STK32B: variants seen among roughly 807,000 people sequenced by gnomAD.
STK32B encodes serine/threonine kinase 32B.
A neutral mutation model predicts 52.6 loss-of-function variants in STK32B; 43 were observed. The observed-to-expected ratio is 0.82, with a 90% CI of 0.64 to 1.05. STK32B has a LOEUF of 1.05. Ranked by LOEUF, STK32B falls within the 50% of genes least tolerant of loss-of-function variation. The pLI is 0.00. For missense variants in STK32B, 621 were observed against 534.6 expected (o/e 1.16, Z -1.59); for synonymous variants, 238 against 204.3 (o/e 1.17, Z -1.41).
At chr4:5,432,187 G>A (rs1426129795) in intron 6 of STK32B, 1 of 152,170 alleles carries the variant, frequency 6.6e-6, no homozygotes, top group Non-Finnish European at 1.5e-5. Flanking sequence ...CTTGCCCAGT[G>A]ACAAACAGCC....
At chr4:5,363,251 T>G (rs1009011310) in intron 4 of STK32B, among the ~76,000 whole-genome samples, 1 of 152,260 alleles carries the variant, frequency 6.6e-6, no homozygotes, top group Admixed American at 6.5e-5. Context: ...AGTTTGAATT[T>G]TAACTTTAAA....
chr4:5,107,275 A>C (rs1309197510), intron 1 of STK32B, among the ~76,000 whole-genome samples: 1 of 152,138 alleles, frequency 6.6e-6, no homozygotes, highest in Non-Finnish European at 1.5e-5. Context: ...GTTGCAGGAA[A>C]ATAAGCTCAG....
intron 4 of STK32B, among the ~76,000 whole-genome samples, chr4:5,334,759 G>C (rs1267187012): frequency 6.6e-6 from 1 of 151,658 alleles, no homozygotes; most frequent in Non-Finnish European, 1.5e-5. Context: ...CTTTGGTTCT[G>C]TTTATATGCT....
intron 3 of STK32B, among the ~76,000 whole-genome samples, chr4:5,305,806 G>T (rs13434445): frequency 0.21 from 32,076 of 151,822 alleles, 6,459 homozygotes; most frequent in African/African-American, 0.53. Flanking sequence ...ATTGTCTACT[G>T]GTGCTCTTTC....
At chr4:5,184,798 G>A (rs1720623990) in intron 3 of STK32B, among the ~76,000 whole-genome samples, 1 of 152,118 alleles carries the variant, frequency 6.6e-6, no homozygotes, top group Non-Finnish European at 1.5e-5. Context: ...ATGTGACAGA[G>A]ACACAAAGTG....
intron 2 of STK32B, among the ~76,000 whole-genome samples, chr4:5,150,834 A>C (rs1018006741): frequency 6.6e-5 from 10 of 152,172 alleles, no homozygotes; most frequent in African/African-American, 9.7e-5. Context: ...GAACTTAACA[A>C]AACAAAAATA....
intron 4 of STK32B, among the ~76,000 whole-genome samples, chr4:5,389,907 C>G (rs1393625085): frequency 6.6e-6 from 1 of 152,114 alleles, no homozygotes; most frequent in African/African-American, 2.4e-5. Flanking sequence ...ATAGTAGGGT[C>G]GGAGAAGCAG....
At chr4:5,092,800 T>A (rs1713166427) in intron 1 of STK32B, among the ~76,000 whole-genome samples, 1 of 152,024 alleles carries the variant, frequency 6.6e-6, no homozygotes, top group African/African-American at 2.4e-5. Context: ...GCCCTCATGA[T>A]CCAATCACCT....
intron 3 of STK32B, among the ~76,000 whole-genome samples, chr4:5,209,811 T>C (rs1002946921): frequency 2.6e-5 from 4 of 152,156 alleles, no homozygotes; most frequent in African/African-American, 7.2e-5. Context: ...GAAAGTAGGT[T>C]GGATACTTTA....
the STK32B span, among the ~76,000 whole-genome samples, chr4:5,025,323 C>T: frequency 6.6e-6 from 1 of 152,168 alleles, no homozygotes; most frequent in African/African-American, 2.4e-5. Flanking sequence ...AGGAAGCACC[C>T]GTCCAGGGGG....
At chr4:5,172,910 T>G (rs527454839) in intron 3 of STK32B, among the ~76,000 whole-genome samples, 1 of 152,326 alleles carries the variant, frequency 6.6e-6, no homozygotes, top group East Asian at 1.9e-4. Flanking sequence ...GTACCTCTAG[T>G]AGAATTCGGC....
intron 3 of STK32B, among the ~76,000 whole-genome samples, chr4:5,255,699 A>C (rs2369676): frequency 1 from 152,196 of 152,288 alleles, 76,054 homozygotes; most frequent in Middle Eastern, 1. Context: ...ATGTTTGGCT[A>C]CTTTCACTTA....
chr4:5,155,075 C>G (rs1717698982), intron 2 of STK32B, among the ~76,000 whole-genome samples: 1 of 152,094 alleles, frequency 6.6e-6, no homozygotes, highest in South Asian at 2.1e-4. Flanking sequence ...CTTGACCACA[C>G]TGGAGTTATT....
intron 3 of STK32B, among the ~76,000 whole-genome samples, chr4:5,289,190 C>A (rs1463463557): frequency 6.6e-6 from 1 of 152,094 alleles, no homozygotes; most frequent in Non-Finnish European, 1.5e-5. Context: ...GTACTAAATA[C>A]CATAGGCAGT....
At chr4:5,335,612 A>G (rs1193944270) in intron 4 of STK32B, among the ~76,000 whole-genome samples, 1 of 151,862 alleles carries the variant, frequency 6.6e-6, no homozygotes, top group East Asian at 1.9e-4. Flanking sequence ...TCTTGTGGGC[A>G]TTTAGTGCTA....
chr4:5,021,935 C>T, the STK32B span, among the ~76,000 whole-genome samples: 8 of 152,090 alleles, frequency 5.3e-5, no homozygotes, highest in African/African-American at 7.2e-5. Flanking sequence ...GCAAGAGAAT[C>T]GCCACCTCTC....
intron 11 of STK32B, among the ~76,000 whole-genome samples, chr4:5,475,021 G>A (rs1214569173): frequency 6.6e-6 from 1 of 152,130 alleles, no homozygotes; most frequent in African/African-American, 2.4e-5. Context: ...GCAGCGGGAG[G>A]AATTCCAGCC....
chr4:5,246,156 C>CCTG, intron 3 of STK32B, among the ~76,000 whole-genome samples: 1 of 152,290 alleles, frequency 6.6e-6, no homozygotes, highest in Admixed American at 6.5e-5. Flanking sequence ...TGGATAATAT[C>CCTG]CTGCAGAGTG....
At chr4:5,245,236 G>A (rs1462770024) in intron 3 of STK32B, among the ~76,000 whole-genome samples, 1 of 152,136 alleles carries the variant, frequency 6.6e-6, no homozygotes, top group Non-Finnish European at 1.5e-5. Flanking sequence ...GGTCACTCAG[G>A]ACTTGCTTTA....
Sources: allele counts gnomAD v4.1 joint callset (sites outside exome capture counted in the v4.1 genomes callset), GRCh38; gene constraint gnomAD v4.1.1; transcripts MANE v1.5; gene names NCBI Gene and HGNC (gene_info 2026-07-23, HGNC 2026-07-21).